Variants in SGK3 observed in about 807,000 individuals in gnomAD.
The protein encoded by SGK3 is serine/threonine-protein kinase Sgk3.
SGK3 carries 47 observed loss-of-function variants against 68.5 expected under a neutral mutation model. The ratio of observed to expected loss-of-function variants is 0.69; its 90% confidence interval spans 0.54 to 0.87. The LOEUF is 0.87. Ranked by LOEUF, SGK3 falls within the 40% of genes least tolerant of loss-of-function variation. The pLI, the probability that SGK3 is intolerant of heterozygous loss-of-function variation, is 0.00. For synonymous variants in SGK3, 181 were observed against 189.1 expected (o/e 0.96, Z 0.35); for missense variants, 479 against 575.5 (o/e 0.83, Z 1.72).
intron 16 of SGK3, among the ~76,000 whole-genome samples, chr8:66,852,553 A>G (rs1306849437): frequency 6.6e-6 from 1 of 152,150 alleles, no homozygotes; most frequent in Non-Finnish European, 1.5e-5. Context: ...TGCTGGGATT[A>G]CACGCATGAG....
In SGK3 at chr8:66,789,875, C is replaced by T. The variant is rs547883350; in HGVS notation, c.-121-3741C>T. Among the ~76,000 whole-genome samples the T allele has an allele frequency of 5.3e-5, 8 of 152,136 alleles. No homozygotes were observed. In the South Asian group the frequency reaches 6.2e-4, roughly 12 times the overall value. The stretch of plus-strand genomic sequence containing the variant: ...GGCAGTTTGCTTGAGCTCAGAAGTT[C>T]GAGACCAGCCTGGTCATCATGACGA... On this transcript the variant is annotated intron_variant, in intron 1 of 16. Coordinates refer to ENST00000521198, the MANE Select transcript of SGK3 (RefSeq NM_001033578.3).
In SGK3 at chr8:66,843,537, T is replaced by C. The variant is rs750700898; in HGVS notation, c.1064T>C (p.Leu355Pro). The C allele has an allele frequency of 2.5e-6, 4 of 1,613,832 alleles. No homozygotes were observed. The highest frequency in any genetic ancestry group is 3.4e-6 in the Non-Finnish European group (4 of 1,179,876). ...CTTGGGGCTGTTCTGTATGAAATGC[T>C]GTATGGATTGGTATGTATTTCTATA... ...WCLGAVLYEM[L>P]YGLPPFYCRD... Residue 355 changes from leucine to proline, a missense_variant, in exon 14 of 17, where the codon CTG (leucine) becomes CCG (proline). Physicochemically the swap from Leu to Pro is moderately conservative, Grantham distance 98. Around this residue, in one of 3 missense-constraint regions of SGK3, gnomAD observed 173 missense variants for 214.3 expected, o/e 0.81. Transcript: ENST00000521198.
At chr8:66,750,179 A>G (rs558869497) in intron 1 of SGK3, among the ~76,000 whole-genome samples, 133 of 152,204 alleles carry the variant, frequency 8.7e-4, no homozygotes, top group African/African-American at 3.1e-3. Flanking sequence ...GGCTATCATG[A>G]TAGTCAACTT....
chr8:66,831,846 A>G lies in SGK3; in HGVS notation c.525+535A>G, dbSNP rs1430175371. 2.6e-5 allele frequency among the ~76,000 whole-genome samples: 4 copies of G among 152,250 alleles called. No individual in the cohort carries two copies. The South Asian group carries it at 8.3e-4, about 32-fold the overall frequency. ...TTCAGAAGGTGTTTGTTGAACACCT[A>G]CTGTGTGCCAGATACCCTTCTGGGC... On this transcript the variant is annotated intron_variant, in intron 8 of 16. Coordinates refer to ENST00000521198, the MANE Select transcript of SGK3 (RefSeq NM_001033578.3).
chr8:66,768,446 CTT>C (rs1334659458), intron 1 of SGK3, among the ~76,000 whole-genome samples: 4 of 149,456 alleles, frequency 2.7e-5, no homozygotes, highest in African/African-American at 7.4e-5. Flanking sequence ...CTGAAAAAAT[CTT>C]TATATAGCTT....
intron 1 of SGK3, among the ~76,000 whole-genome samples, chr8:66,783,546 G>T (rs1807076592): frequency 6.6e-6 from 1 of 151,860 alleles, no homozygotes; most frequent in Non-Finnish European, 1.5e-5. Flanking sequence ...TTTAAGATAG[G>T]GTGCTCTGGC....
intron 2 of SGK3, 122 bp downstream of exon 2, chr8:66,793,954 C>G: frequency 9.7e-7 from 1 of 1,030,186 alleles, no homozygotes; most frequent in Non-Finnish European, 1.4e-6. Flanking sequence ...GATTTTACTT[C>G]TTTCACATGA....
intron 5 of SGK3, among the ~76,000 whole-genome samples, chr8:66,815,288 A>T (rs1283886203): frequency 6.6e-6 from 1 of 152,190 alleles, no homozygotes; most frequent in African/African-American, 2.4e-5. Context: ...TGATGCTCCC[A>T]GGTAAGGCAA....
intron 1 of SGK3, among the ~76,000 whole-genome samples, chr8:66,726,330 C>T (rs1170767557): frequency 6.6e-6 from 1 of 152,136 alleles, no homozygotes; most frequent in Non-Finnish European, 1.5e-5. Flanking sequence ...CAACACGAGG[C>T]AGAGCTGACC....
At chr8:66,797,007 G>A (rs1324149498) in intron 2 of SGK3, among the ~76,000 whole-genome samples, 2 of 149,574 alleles carry the variant, frequency 1.3e-5, no homozygotes, top group African/African-American at 2.5e-5. Flanking sequence ...TTTGTCTACT[G>A]TTTTATTAGT....
At chr8:66,786,649 T>C (rs145152290) in intron 1 of SGK3, among the ~76,000 whole-genome samples, 10 of 152,344 alleles carry the variant, frequency 6.6e-5, no homozygotes, top group African/African-American at 2.2e-4. Flanking sequence ...AACCGCTTTA[T>C]GTTTTTCTTC....
At chr8:66,807,648 C>T (rs1243878306) in intron 4 of SGK3, among the ~76,000 whole-genome samples, 2 of 152,132 alleles carry the variant, frequency 1.3e-5, no homozygotes, top group Non-Finnish European at 2.9e-5. Flanking sequence ...TTTGGTTATA[C>T]TTTGGGGATA....
At chr8:66,830,580 G>A (rs1014984476) in intron 7 of SGK3, among the ~76,000 whole-genome samples, 27 of 152,208 alleles carry the variant, frequency 1.8e-4, no homozygotes, top group Non-Finnish European at 1.0e-4. Context: ...GCTGCCGTGT[G>A]TTTTTGTCTA....
chr8:66,770,440 C>T (rs919080097), intron 1 of SGK3, among the ~76,000 whole-genome samples: 2 of 152,138 alleles, frequency 1.3e-5, no homozygotes, highest in African/African-American at 4.8e-5. Flanking sequence ...AGTTAAATTA[C>T]TTGGAAATAG....
intron 4 of SGK3, among the ~76,000 whole-genome samples, chr8:66,810,369 C>A (rs1005133109): frequency 6.6e-6 from 1 of 151,922 alleles, no homozygotes; most frequent in Non-Finnish European, 1.5e-5. Context: ...AGGTTCTCAC[C>A]TTTTGTGTAC....
At chr8:66,779,385 C>T (rs906431501) in intron 1 of SGK3, among the ~76,000 whole-genome samples, 6 of 151,522 alleles carry the variant, frequency 4.0e-5, no homozygotes, top group Non-Finnish European at 7.4e-5. Context: ...TGTGGCCTTC[C>T]AAACCTCAAC....
chr8:66,752,354 A>G (rs1295581041), intron 1 of SGK3, among the ~76,000 whole-genome samples: 1 of 152,192 alleles, frequency 6.6e-6, no homozygotes, highest in South Asian at 2.1e-4. Context: ...AGTCTGGGGC[A>G]ATCTGGGGCA....
At chr8:66,804,984 C>T (rs545504655) in intron 4 of SGK3, among the ~76,000 whole-genome samples, 2 of 152,056 alleles carry the variant, frequency 1.3e-5, no homozygotes, top group South Asian at 4.2e-4. Flanking sequence ...GAGGCTGAGG[C>T]GAGAGGATAG....
chr8:66,718,416 A>G (rs1037121096), intron 1 of SGK3, among the ~76,000 whole-genome samples: 1 of 150,390 alleles, frequency 6.6e-6, no homozygotes, highest in Non-Finnish European at 1.5e-5. Flanking sequence ...ATAAATATAT[A>G]TATGTGTATA....
Sources: gnomAD v4.1 joint callset for allele counts (sites outside exome capture counted in the v4.1 genomes callset) on GRCh38, gnomAD v4.1.1 for gene constraint, gnomAD v4.1.1 regional missense constraint, MANE v1.5 for transcripts, NCBI Gene and HGNC (gene_info 2026-07-23, HGNC 2026-07-21) for gene names.